VPS13D: variants seen among roughly 807,000 people sequenced by gnomAD.
The protein encoded by VPS13D is vacuolar protein sorting 13 homolog D.
In VPS13D, 187 loss-of-function variants were observed where a neutral mutation model predicts 461.9. The observed-to-expected ratio is 0.40, with a 90% CI of 0.36 to 0.46. VPS13D has a LOEUF of 0.46. VPS13D is among the 20% of genes least tolerant of loss of function. The pLI is 0.60. For missense variants in VPS13D, 4,711 were observed against 5,364.9 expected (o/e 0.88, Z 3.81); for synonymous variants, 1,951 against 1,986.3 (o/e 0.98, Z 0.47).
chr1:12,411,473 A>C (rs538529463), intron 63 of VPS13D, among the ~76,000 whole-genome samples: 1 of 147,664 alleles, frequency 6.8e-6, no homozygotes, highest in African/African-American at 2.5e-5. Flanking sequence ...TCTCTACAAA[A>C]ATGGAAGGAA....
At chr1:12,451,577 T>C (rs190349681) in intron 65 of VPS13D, among the ~76,000 whole-genome samples, 2 of 152,262 alleles carry the variant, frequency 1.3e-5, no homozygotes, top group Admixed American at 1.3e-4. Flanking sequence ...TAGGCAGACT[T>C]AAGTCTCTGC....
chr1:12,291,032 T>G lies in VPS13D; in HGVS notation c.5760T>G (p.Ser1920Arg), dbSNP rs1642118462. Residue 1920 changes from serine to arginine, a missense_variant, in exon 23 of 70, where the codon AGT (serine) becomes AGG (arginine). Coordinates refer to ENST00000620676, the MANE Select transcript of VPS13D (RefSeq NM_015378.4). ...GDLALQGSIG[S>R]LSLSDLTCHG... Reference sequence around the variant, plus strand: ...TGGCCTTACAGGGCAGCATTGGGAGTCTGTCTCTAAGTGACCTCACATGCC... The same window carrying G: ...TGGCCTTACAGGGCAGCATTGGGAGGCTGTCTCTAAGTGACCTCACATGCC... The G allele has an allele frequency of 1.9e-6, 3 of 1,613,688 alleles. No individual in the cohort carries two copies. Among genetic ancestry groups the G allele is most frequent in the Non-Finnish European group, 2.5e-6 (3 of 1,179,928 alleles).
chr1:12,354,276 T>C, intron 47 of VPS13D, 55 bp downstream of exon 47: 1 of 1,587,564 alleles, frequency 6.3e-7, no homozygotes, highest in Non-Finnish European at 8.6e-7. Context: ...TATCAATGAG[T>C]ATTTTGTGAT....
At chr1:12,382,836 T>C in intron 57 of VPS13D, 140 bp from the exon 58 acceptor site, 1 of 697,240 alleles carries the variant, frequency 1.4e-6, no homozygotes, top group Admixed American at 2.8e-5. Flanking sequence ...GCTGAACAAA[T>C]AGTAAAGGCT....
chr1:12,378,589 C>A lies in VPS13D; in HGVS notation c.11079C>A (p.Asn3693Lys), dbSNP rs762550159. The change falls in exon 56 of 70, where the codon AAC becomes AAA. Residue 3693 changes from asparagine (N) to lysine (K), a missense_variant and splice_region_variant. By Grantham distance (94) the Asn-to-Lys change is moderately conservative. Coordinates refer to ENST00000620676, the MANE Select transcript of VPS13D (RefSeq NM_015378.4). ...CTGGTCTCGCTGCAGTGACTGACAA[C>A]AGGTAATTTTCTAGGCAACTTTTGA... ...DIAGLAAVTD[N>K]RYEPLMLRKP... is the part of the protein sequence containing the mutation. 3 of 1,549,428 alleles carry A rather than the reference C, an allele frequency of 1.9e-6. No homozygotes were observed. Among genetic ancestry groups the A allele is most frequent in the South Asian group, 1.2e-5 (1 of 81,538 alleles).
At chr1:12,332,190 T>C (rs1474928764) in intron 37 of VPS13D, among the ~76,000 whole-genome samples, 1 of 152,238 alleles carries the variant, frequency 6.6e-6, no homozygotes, top group Non-Finnish European at 1.5e-5. Context: ...CCCCGCAATG[T>C]GTTGCTTCTA....
Position 12,456,127 on chromosome 1 carries a change from C to T in VPS13D, c.12463C>T (p.His4155Tyr), listed in dbSNP as rs1383385315. Residue 4155 changes from histidine to tyrosine, a missense_variant, in exon 66 of 70, where the codon CAT (histidine) becomes TAT (tyrosine). This residue lies in a region of VPS13D where 106 missense variants were observed against 206.2 expected (regional missense o/e 0.51). Transcript: ENST00000620676. Reference sequence around the variant, plus strand: ...TGTAGCCGGCATCCATGGCCTGGCTCATGGTAAGTCATGGGTGACATCAGG... The same window carrying T: ...TGTAGCCGGCATCCATGGCCTGGCTTATGGTAAGTCATGGGTGACATCAGG... ...HLVAGIHGLA[H>Y]GIIGGLTSVI... is the part of the protein sequence containing the mutation. 2 of 1,610,654 alleles carry T rather than the reference C, an allele frequency of 1.2e-6. No individual in the cohort carries two copies. Among genetic ancestry groups the T allele is most frequent in the African/African-American group, 2.7e-5 (2 of 74,724 alleles).
intron 65 of VPS13D, among the ~76,000 whole-genome samples, chr1:12,449,186 T>G (rs1460731118): frequency 6.6e-6 from 1 of 152,122 alleles, no homozygotes; most frequent in Non-Finnish European, 1.5e-5. Flanking sequence ...GGAATTAGGA[T>G]GTCAGTCCCA....
chr1:12,266,835 A>G (rs1409573381), intron 13 of VPS13D, 46 bp from the exon 14 acceptor site: 2 of 1,416,314 alleles, frequency 1.4e-6, no homozygotes, highest in Non-Finnish European at 1.9e-6. Flanking sequence ...AAAACACATT[A>G]GGCTCTCATA....
chr1:12,348,795 CTA>C (rs770648567), intron 44 of VPS13D, 26 bp from the exon 45 acceptor site: 49 of 1,609,164 alleles, frequency 3.0e-5, no homozygotes, highest in Non-Finnish European at 4.1e-5. Context: ...AGAAACATAA[CTA>C]TTTTGTCTTT....
Position 12,509,870 on chromosome 1 carries a change from T to C in VPS13D, c.*846T>C, listed in dbSNP as rs1646160530. The C allele has an allele frequency of 6.6e-6, 1 of 152,222 alleles. No individual in the cohort carries two copies. The highest frequency in any genetic ancestry group is 2.1e-4 in the South Asian group (1 of 4,836). The allele number at this position is 152,222 out of a possible 1,614,324, so 9.4% of individuals were successfully genotyped here. A position where few individuals can be genotyped will look rare whatever the true frequency, so the allele number is the denominator to read the frequency against. ...ATTATTATTAGAGAGGTTGGAAACA[T>C]TGGTAAACTCTGTTGATTGAGAAGG... On this transcript the variant is annotated 3_prime_UTR_variant, in exon 70 of 70. Transcript: ENST00000620676.
chr1:12,487,992 A>G (rs558719240), intron 67 of VPS13D, among the ~76,000 whole-genome samples: 1 of 152,322 alleles, frequency 6.6e-6, no homozygotes, highest in East Asian at 1.9e-4. Flanking sequence ...GCTCGTTTTA[A>G]AAAGCTCTGT....
intron 31 of VPS13D, 79 bp from the exon 32 acceptor site, chr1:12,319,418 G>A (rs1413023798): frequency 2.5e-6 from 4 of 1,581,542 alleles, no homozygotes; most frequent in East Asian, 2.2e-5. Context: ...GTGGAAATGC[G>A]CTCGCTGCCT....
chr1:12,479,662 C>T (rs539632189), intron 67 of VPS13D, among the ~76,000 whole-genome samples: 2 of 152,240 alleles, frequency 1.3e-5, no homozygotes, highest in South Asian at 4.2e-4. Context: ...AGAGTACATG[C>T]TCCTAATCTC....
chr1:12,253,784 C>G lies in VPS13D; in HGVS notation c.627C>G (p.Val209=). Residue 209 remains valine (V), a synonymous_variant, in exon 7 of 70, where the codon GTC becomes GTG. Transcript: ENST00000620676. The part of the protein sequence containing the change: ...DVAEFSIYWD[V]DCTLLGDLPQ... ...CAGAATTTAGCATCTATTGGGATGTCGATTGCACTTTACTGGGGGATTTGC... is the reference window on the plus strand; with the variant it reads ...CAGAATTTAGCATCTATTGGGATGTGGATTGCACTTTACTGGGGGATTTGC... The G allele has an allele frequency of 6.2e-7, 1 of 1,614,006 alleles. No homozygotes were observed. The highest frequency in any genetic ancestry group is 8.5e-7 in the Non-Finnish European group (1 of 1,179,966).
intron 43 of VPS13D, among the ~76,000 whole-genome samples, chr1:12,345,869 G>A (rs536936503): frequency 6.6e-6 from 1 of 152,206 alleles, no homozygotes; most frequent in East Asian, 1.9e-4. Flanking sequence ...TTATAATGCA[G>A]CACCTTGATC....
Position 12,327,868 on chromosome 1 carries a change from T to G in VPS13D, c.8197+14T>G. The G allele has an allele frequency of 6.2e-7, 1 of 1,611,882 alleles. No individual in the cohort carries two copies. Among genetic ancestry groups the G allele is most frequent in the Non-Finnish European group, 8.5e-7 (1 of 1,179,106 alleles). ...TCACCTTTTCCCGTGAGTGTTGTAC[T>G]GGTTTTCAGATTCATCTTGAATATT... On this transcript the variant is annotated intron_variant, in intron 36 of 69. Transcript: ENST00000620676.
At chr1:12,412,694 A>G (rs1450973975) in intron 63 of VPS13D, among the ~76,000 whole-genome samples, 1 of 152,216 alleles carries the variant, frequency 6.6e-6, no homozygotes. Context: ...AAACAATAAA[A>G]CTTGTATAAG....
Position 12,335,942 on chromosome 1 carries a change from C to G in VPS13D, c.8551+115C>G, listed in dbSNP as rs562373702. The G allele has an allele frequency of 1.1e-5, 16 of 1,470,202 alleles. No homozygotes were observed. The African/African-American group carries it at 2.1e-4, about 19-fold the overall frequency. 91.1% of individuals were successfully genotyped at this position (1,470,202 alleles called of 1,614,324 possible). A position where few individuals can be genotyped will look rare whatever the true frequency, so the allele number is the denominator to read the frequency against. On this transcript the variant is annotated intron_variant, in intron 39 of 69. Coordinates refer to ENST00000620676, the MANE Select transcript of VPS13D (RefSeq NM_015378.4). ...TGCGTGGAAAAACCTACAGGAAATT[C>G]TGACTATCTTCTGTAGTTCTGTTTT...
Sources: gnomAD v4.1 joint callset for allele counts (sites outside exome capture counted in the v4.1 genomes callset) on GRCh38, gnomAD v4.1.1 for gene constraint, gnomAD v4.1.1 regional missense constraint, MANE v1.5 for transcripts, NCBI Gene and HGNC (gene_info 2026-07-23, HGNC 2026-07-21) for gene names.